The following ADCY8 variants were observed in gnomAD, a reference collection of about 807,000 sequenced individuals.
The protein encoded by ADCY8 is adenylate cyclase 8, also known as adenylate cyclase type 8.
A neutral mutation model predicts 119.7 loss-of-function variants in ADCY8; 51 were observed. The observed-to-expected ratio is 0.43, with a 90% confidence interval of 0.34 to 0.54. The LOEUF (loss-of-function observed/expected upper bound fraction) is 0.54, where lower values mean the gene tolerates loss of function less well. ADCY8 is among the 20% of genes least tolerant of loss of function. ADCY8 has a pLI of 0.03. For synonymous variants in ADCY8, 665 were observed against 651.0 expected, an observed-to-expected ratio of 1.02 and a Z score of -0.33; for missense variants, 1,383 against 1,598.8, an observed-to-expected ratio of 0.87 and a Z score of 2.30.
chr8:130,857,194 T>A (rs10100610), intron 9 of ADCY8, among the ~76,000 whole-genome samples: 88,106 of 149,982 alleles, frequency 0.59, 26,779 homozygotes, highest in African/African-American at 0.74. Context: ...ATACACATGT[T>A]ACTAACCTGC....
intron 15 of ADCY8, among the ~76,000 whole-genome samples, chr8:130,795,780 G>A (rs903973141): frequency 3.3e-5 from 5 of 150,948 alleles, no homozygotes; most frequent in African/African-American, 7.3e-5. Context: ...GCTTGGCTTT[G>A]GTGTGTGTGT....
At chr8:130,919,451 A>G (rs1426026152) in intron 5 of ADCY8, among the ~76,000 whole-genome samples, 2 of 152,166 alleles carry the variant, frequency 1.3e-5, no homozygotes, top group African/African-American at 2.4e-5. Context: ...CTGAGTGCCA[A>G]TGTGGCCTCT....
rs527407897 is a variant in ADCY8 at position 130,911,715 on chromosome 8, T to C, written c.1482-1849A>G. 1.1e-4 allele frequency among the ~76,000 whole-genome samples: 17 copies of C among 150,546 alleles called. No individual in the cohort carries two copies. The East Asian group carries it at 2.9e-3, about 26-fold the overall frequency. ...TTCTCATTATCCTTTAAAATCCCTA[T>C]ATTATGTATATTTTATGGTATATAT... On this transcript the variant is annotated intron_variant, in intron 5 of 17. Coordinates refer to ENST00000286355, the MANE Select transcript of ADCY8 (RefSeq NM_001115.3).
At chr8:131,025,277 T>A (rs1823787851) in intron 1 of ADCY8, among the ~76,000 whole-genome samples, 1 of 152,154 alleles carries the variant, frequency 6.6e-6, no homozygotes, top group East Asian at 1.9e-4. Flanking sequence ...TCTTATTGCC[T>A]CTGAAATGAG....
intron 6 of ADCY8, among the ~76,000 whole-genome samples, chr8:130,907,179 T>A (rs1329888105): frequency 3.9e-5 from 6 of 152,102 alleles, no homozygotes; most frequent in Non-Finnish European, 8.8e-5. Flanking sequence ...CAGCAGTTCC[T>A]ACCAGGAACT....
intron 12 of ADCY8, among the ~76,000 whole-genome samples, chr8:130,832,624 T>C (rs1816873055): frequency 6.6e-6 from 1 of 152,142 alleles, no homozygotes; most frequent in Admixed American, 6.6e-5. Context: ...AATAGAAGAC[T>C]AGCCAATGAT....
intron 14 of ADCY8, among the ~76,000 whole-genome samples, chr8:130,810,920 C>T (rs141894625): frequency 6.6e-6 from 1 of 152,256 alleles, no homozygotes; most frequent in Admixed American, 6.5e-5. Flanking sequence ...GTCCTATGTG[C>T]CTCACTGTTT....
intron 15 of ADCY8, among the ~76,000 whole-genome samples, chr8:130,794,531 C>A (rs181857855): frequency 6.6e-6 from 1 of 152,196 alleles, no homozygotes; most frequent in Non-Finnish European, 1.5e-5. Flanking sequence ...GCATGAGCCA[C>A]GACGGCCAGC....
chr8:130,857,166 C>T (rs975607158), intron 9 of ADCY8, among the ~76,000 whole-genome samples: 1 of 151,496 alleles, frequency 6.6e-6, no homozygotes, highest in Non-Finnish European at 1.5e-5. Flanking sequence ...GGGTGCAGCA[C>T]ACCAGCATGG....
At chr8:130,967,929 G>A (rs894008010) in intron 2 of ADCY8, among the ~76,000 whole-genome samples, 9 of 152,100 alleles carry the variant, frequency 5.9e-5, no homozygotes, top group African/African-American at 2.2e-4. Flanking sequence ...GGGAACTCAG[G>A]CAAGTTACTT....
At chr8:130,876,870 C>G (rs1375950453) in intron 8 of ADCY8, among the ~76,000 whole-genome samples, 1 of 152,146 alleles carries the variant, frequency 6.6e-6, no homozygotes, top group East Asian at 1.9e-4. Context: ...ATATGAAAAT[C>G]AGGTGCTTAG....
At chr8:130,937,301 C>G (rs1166734272) in intron 4 of ADCY8, 101 bp from the exon 5 acceptor site, 1 of 1,265,084 alleles carries the variant, frequency 7.9e-7, no homozygotes, top group Non-Finnish European at 1.1e-6. Flanking sequence ...TGGTCTGCAA[C>G]TTGGGGTAAG....
intron 1 of ADCY8, among the ~76,000 whole-genome samples, chr8:131,030,051 C>T (rs952832008): frequency 1.3e-5 from 2 of 152,110 alleles, no homozygotes; most frequent in Non-Finnish European, 2.9e-5. Context: ...CATGTGAGAA[C>T]GTTATGACAT....
chr8:130,908,985 C>T (rs1315084736), intron 6 of ADCY8, among the ~76,000 whole-genome samples: 1 of 33,826 alleles, frequency 3.0e-5, no homozygotes, highest in Non-Finnish European at 5.0e-5. Flanking sequence ...TGTGGAAGTG[C>T]TCTCTCTCTC....
intron 2 of ADCY8, among the ~76,000 whole-genome samples, chr8:130,965,543 A>C (rs140016135): frequency 1.3e-5 from 2 of 152,374 alleles, no homozygotes; most frequent in Non-Finnish European, 2.9e-5. Context: ...ATCAGGCTAC[A>C]TCATGAGAGT....
At chr8:130,985,194 G>A (rs546170977) in intron 2 of ADCY8, among the ~76,000 whole-genome samples, 3 of 152,220 alleles carry the variant, frequency 2.0e-5, no homozygotes, top group East Asian at 3.9e-4. Context: ...TCAAGGATAC[G>A]AGGAGGCAAA....
intron 11 of ADCY8, among the ~76,000 whole-genome samples, chr8:130,837,541 T>G (rs1450943882): frequency 6.6e-6 from 1 of 152,216 alleles, no homozygotes; most frequent in African/African-American, 2.4e-5. Context: ...CTGCTTAAAT[T>G]GCAAATTTGG....
Position 130,895,230 on chromosome 8 carries a change from C to T in ADCY8, c.1911+8542G>A, listed in dbSNP as rs571869640. On this transcript the variant is annotated intron_variant, in intron 7 of 17. Coordinates refer to ENST00000286355, the MANE Select transcript of ADCY8 (RefSeq NM_001115.3). Reference sequence around the variant, plus strand: ...CGTTTATTGGGTCTTGTTTGTCAGCCCTCAGTTTTATGACTCCCCAAACAA... The same window carrying T: ...CGTTTATTGGGTCTTGTTTGTCAGCTCTCAGTTTTATGACTCCCCAAACAA... Among the ~76,000 whole-genome samples the T allele has an allele frequency of 1.1e-4, 17 of 152,060 alleles. No individual in the cohort carries two copies. The South Asian group carries it at 1.5e-3, about 13-fold the overall frequency.
chr8:130,782,600 G>C (rs555692140), intron 17 of ADCY8, among the ~76,000 whole-genome samples: 3 of 152,312 alleles, frequency 2.0e-5, no homozygotes, highest in African/African-American at 7.2e-5. Context: ...GAATATCTCT[G>C]TTCAGCATTA....
Sources: gnomAD v4.1 joint callset for allele counts (sites outside exome capture counted in the v4.1 genomes callset) on GRCh38, gnomAD v4.1.1 for gene constraint, MANE v1.5 for transcripts, NCBI Gene and HGNC (gene_info 2026-07-23, HGNC 2026-07-21) for gene names.